Variants in ESRRG observed in about 807,000 individuals in gnomAD.
ESRRG encodes estrogen related receptor gamma.
ESRRG carries 13 observed loss-of-function variants against 44.0 expected under a neutral mutation model. The observed-to-expected ratio is 0.30, with a 90% CI of 0.19 to 0.47. ESRRG has a LOEUF of 0.47. Among genes scored for constraint, ESRRG ranks in the 20% least tolerant of loss-of-function variants. The probability of loss-of-function intolerance (pLI) is 1.00; values close to 1 mark genes in which losing one functional copy is unlikely to be tolerated. For synonymous variants in ESRRG, 215 were observed against 214.6 expected (o/e 1.00, Z -0.02); for missense variants, 395 against 580.6 (o/e 0.68, Z 3.29).
chr1:216,578,003 G>A (rs2062007263), intron 3 of ESRRG, among the ~76,000 whole-genome samples: 1 of 152,020 alleles, frequency 6.6e-6, no homozygotes, highest in Non-Finnish European at 1.5e-5. Flanking sequence ...CAGAAATCCT[G>A]AGTGTGTCAA....
At chr1:217,085,513 A>ATTTT (rs2092032377) in intron 1 of ESRRG, among the ~76,000 whole-genome samples, 1 of 89,706 alleles carries the variant, frequency 1.1e-5, no homozygotes, top group Non-Finnish European at 1.9e-5. Flanking sequence ...TTTTTTTTAG[A>ATTTT]CGAAGTCTCA....
chr1:216,735,808 G>A (rs1409633769), intron 2 of ESRRG, among the ~76,000 whole-genome samples: 1 of 151,324 alleles, frequency 6.6e-6, no homozygotes, highest in African/African-American at 2.4e-5. Context: ...GTGAAACCCC[G>A]TCTCTACTAA....
chr1:217,061,893 A>G (rs559629227), intron 1 of ESRRG, among the ~76,000 whole-genome samples: 8 of 152,188 alleles, frequency 5.3e-5, no homozygotes, highest in Non-Finnish European at 1.0e-4. Flanking sequence ...AAATAAAACA[A>G]ATAAGATAAA....
At chr1:217,095,055 T>C (rs1014787884) in intron 1 of ESRRG, among the ~76,000 whole-genome samples, 1 of 151,090 alleles carries the variant, frequency 6.6e-6, no homozygotes, top group East Asian at 1.9e-4. Flanking sequence ...TGTGTGTGTA[T>C]TGTTCTCAAG....
chr1:216,599,537 T>A (rs930351549), intron 3 of ESRRG, among the ~76,000 whole-genome samples: 1 of 152,198 alleles, frequency 6.6e-6, no homozygotes, highest in African/African-American at 2.4e-5. Flanking sequence ...TCAGCTATTA[T>A]CCCTTTCTTA....
chr1:216,542,658 A>G (rs112544801), intron 5 of ESRRG, among the ~76,000 whole-genome samples: 35 of 152,162 alleles, frequency 2.3e-4, no homozygotes, highest in Middle Eastern at 3.4e-3. Flanking sequence ...CATTTACTAC[A>G]TAAAATTAAA....
At chr1:216,727,800 T>C (rs910976075), upstream of ESRRG, among the ~76,000 whole-genome samples, 1 of 152,020 alleles carries the variant, frequency 6.6e-6, no homozygotes, top group African/African-American at 2.4e-5. Context: ...TCCCAAATTA[T>C]GGAGCCTATA....
rs113150525 is a variant in ESRRG, at chr1:216,809,374, T to C, written c.-14+130208A>G. On this transcript the variant is annotated intron_variant, in intron 2 of 7. Coordinates refer to the ESRRG transcript ENST00000359162. ...CCCATGAGAACACCTCCAATTGTCA[T>C]CATTAAAAATGGAACAAAATGAATT... Among the ~76,000 whole-genome samples, 75 of 147,272 alleles carry C rather than the reference T, an allele frequency of 5.1e-4. 1 individual carries two copies. The highest frequency in any genetic ancestry group is 1.7e-3 in the African/African-American group (69 of 40,166).
chr1:216,976,027 G>C lies in ESRRG; in HGVS notation c.-105-36354C>G, dbSNP rs533910972. Among the ~76,000 whole-genome samples, 6 of 152,144 alleles carry C rather than the reference G, an allele frequency of 3.9e-5. No homozygotes were observed. In the East Asian group the frequency reaches 9.7e-4, roughly 25 times the overall value. On this transcript the variant is annotated intron_variant, in intron 1 of 7. Coordinates refer to the ESRRG transcript ENST00000359162. Reference sequence around the variant, plus strand: ...GTCCATGAGCTTCACAATTCTCCCAGGGCTGAAGTTTCCTTCAGAGCAGGT... The same window carrying C: ...GTCCATGAGCTTCACAATTCTCCCACGGCTGAAGTTTCCTTCAGAGCAGGT...
chr1:216,966,740 A>G (rs1280276663), intron 1 of ESRRG, among the ~76,000 whole-genome samples: 1 of 152,082 alleles, frequency 6.6e-6, no homozygotes. Context: ...AACCAGCCCA[A>G]GTTTTCCCTG....
intron 2 of ESRRG, among the ~76,000 whole-genome samples, chr1:216,937,150 A>G (rs925393241): frequency 2.0e-5 from 3 of 152,104 alleles, no homozygotes; most frequent in Non-Finnish European, 4.4e-5. Context: ...TGTTCCACTT[A>G]GCCAGCCATA....
Position 217,105,103 on chromosome 1 carries a change from T to C in ESRRG, c.-230+32564A>G, listed in dbSNP as rs369250555. ...TGCAAATTTAGCTCAATTTGAGGCATGACATCTATCTGGACCCCTAGTCAG... is the reference window on the plus strand; with the variant it reads ...TGCAAATTTAGCTCAATTTGAGGCACGACATCTATCTGGACCCCTAGTCAG... On this transcript the variant is annotated intron_variant, in intron 1 of 8. Transcript: ENST00000366940. 2.0e-5 allele frequency among the ~76,000 whole-genome samples: 3 copies of C among 152,290 alleles called. No individual in the cohort carries two copies. In the East Asian group the frequency reaches 5.8e-4, roughly 29 times the overall value.
chr1:216,938,653 A>ACT (rs1410551856), intron 2 of ESRRG, among the ~76,000 whole-genome samples: 1 of 152,224 alleles, frequency 6.6e-6, no homozygotes, highest in Non-Finnish European at 1.5e-5. Flanking sequence ...CAAAGGGTTC[A>ACT]CTAGCAAGTA....
At chr1:216,618,970 A>T (rs904865078) in intron 3 of ESRRG, among the ~76,000 whole-genome samples, 1 of 152,220 alleles carries the variant, frequency 6.6e-6, no homozygotes, top group African/African-American at 2.4e-5. Context: ...CATCCACTAG[A>T]ACCCTGTAGG....
intron 1 of ESRRG, among the ~76,000 whole-genome samples, chr1:216,690,860 T>C (rs187918056): frequency 7.0e-4 from 106 of 152,258 alleles, no homozygotes; most frequent in African/African-American, 2.5e-3. Flanking sequence ...GCCAGCTCTT[T>C]TCTTAACTAA....
intron 1 of ESRRG, among the ~76,000 whole-genome samples, chr1:216,700,651 A>G (rs1181290181): frequency 6.6e-6 from 1 of 152,202 alleles, no homozygotes; most frequent in Non-Finnish European, 1.5e-5. Flanking sequence ...TATGCATTTC[A>G]AAAGATAGGA....
intron 1 of ESRRG, among the ~76,000 whole-genome samples, chr1:216,961,121 C>T (rs978560552): frequency 1.3e-5 from 2 of 152,112 alleles, no homozygotes; most frequent in African/African-American, 2.4e-5. Context: ...AAGACGTTGC[C>T]AGATGGTAAC....
chr1:216,847,672 G>A (rs536193931), intron 2 of ESRRG, among the ~76,000 whole-genome samples: 197 of 152,176 alleles, frequency 1.3e-3, no homozygotes, highest in Middle Eastern at 3.4e-3. Context: ...AACTGGGCAT[G>A]TCCAGGTCTG....
intron 1 of ESRRG, among the ~76,000 whole-genome samples, chr1:217,100,796 A>G (rs537532661): frequency 2.9e-4 from 44 of 152,286 alleles, no homozygotes; most frequent in African/African-American, 1.0e-3. Context: ...ACTCAGAGTG[A>G]GAACTTACTT....
Sources: allele counts gnomAD v4.1 joint callset (sites outside exome capture counted in the v4.1 genomes callset), GRCh38; gene constraint gnomAD v4.1.1; transcripts MANE v1.5; gene names NCBI Gene and HGNC (gene_info 2026-07-23, HGNC 2026-07-21).